NACC2: variants seen among roughly 807,000 people sequenced by gnomAD.
NACC2 encodes the protein nucleus accumbens-associated protein 2.
NACC2 carries 8 observed loss-of-function variants against 25.1 expected under a neutral mutation model. The observed-to-expected ratio is 0.32, with a 90% CI of 0.19 to 0.57. The LOEUF is 0.57. Ranked by LOEUF, NACC2 falls within the 20% of genes least tolerant of loss-of-function variation. The pLI is 0.89. For missense variants in NACC2, 644 were observed against 650.2 expected, an observed-to-expected ratio of 0.99 and a Z score of 0.10; for synonymous variants, 435 against 294.7, an observed-to-expected ratio of 1.48 and a Z score of -4.88.
chr9:136,027,292 C>T (rs1840407036), intron 2 of NACC2, among the ~76,000 whole-genome samples: 1 of 152,126 alleles, frequency 6.6e-6, no homozygotes, highest in Admixed American at 6.5e-5. Context: ...AAACCTCAAA[C>T]AAGAGGACAA....
chr9:136,092,449 C>T (rs919030268), intron 1 of NACC2, among the ~76,000 whole-genome samples: 6 of 152,208 alleles, frequency 3.9e-5, no homozygotes, highest in African/African-American at 7.2e-5. Flanking sequence ...AGCGTCCAGA[C>T]GGGCTAGCGC....
At chr9:136,021,242 G>C (rs1840287494) in intron 2 of NACC2, among the ~76,000 whole-genome samples, 1 of 152,216 alleles carries the variant, frequency 6.6e-6, no homozygotes, top group African/African-American at 2.4e-5. Context: ...CTCTTCCCCA[G>C]GGGACTTACA....
intron 2 of NACC2, among the ~76,000 whole-genome samples, chr9:136,043,500 G>A (rs1205723051): frequency 6.6e-6 from 1 of 152,254 alleles, no homozygotes; most frequent in Non-Finnish European, 1.5e-5. Flanking sequence ...CTGCTCTCAC[G>A]GGCTGCTGGT....
At chr9:136,060,930 G>A (rs1234219752) in intron 1 of NACC2, among the ~76,000 whole-genome samples, 3 of 152,204 alleles carry the variant, frequency 2.0e-5, no homozygotes, top group African/African-American at 7.2e-5. Context: ...GGGTACAGGG[G>A]TCCGGGGGAA....
chr9:136,047,184 G>T (rs970173847), intron 2 of NACC2, among the ~76,000 whole-genome samples: 4 of 152,106 alleles, frequency 2.6e-5, no homozygotes, highest in Non-Finnish European at 5.9e-5. Context: ...CTCCTGCGTG[G>T]GTGTGAGGAC....
intron 2 of NACC2, among the ~76,000 whole-genome samples, chr9:136,045,356 T>TCACGGGCC (rs1340081684): frequency 7.2e-6 from 1 of 138,476 alleles, no homozygotes; most frequent in East Asian, 2.4e-4. Context: ...AGGGTTACCG[T>TCACGGGCC]CACGGGCCCA....
Position 136,007,430 on chromosome 9 carries a change from TAC to T in NACC2, c.*4084_*4085del, listed in dbSNP as rs71759303. ...GTGCACACAGACGCGCGTGCACACATACACACAGACGCGCACACACACGCGCA... is the reference window on the plus strand; with the variant it reads ...GTGCACACAGACGCGCGTGCACACATACACAGACGCGCACACACACGCGCA... On this transcript the variant is annotated 3_prime_UTR_variant, in exon 6 of 6. Coordinates refer to ENST00000277554, the MANE Select transcript of NACC2 (RefSeq NM_144653.5). 2.8e-3 allele frequency: 389 copies of T among 136,976 alleles called. 1 individual carries two copies. Among genetic ancestry groups the T allele is most frequent in the East Asian group, 0.011 (51 of 4,836 alleles). 8.5% of individuals were successfully genotyped at this position (136,976 alleles called of 1,614,324 possible). A position where few individuals can be genotyped will look rare whatever the true frequency, so the allele number is the denominator to read the frequency against.
At chr9:136,037,027 CTG>C (rs1255438001) in intron 2 of NACC2, among the ~76,000 whole-genome samples, 1 of 152,164 alleles carries the variant, frequency 6.6e-6, no homozygotes, top group East Asian at 1.9e-4. Context: ...ATAAGGATGA[CTG>C]TGATTTCCTG....
chr9:136,079,121 G>A (rs948996460), intron 1 of NACC2, among the ~76,000 whole-genome samples: 1 of 151,020 alleles, frequency 6.6e-6, no homozygotes, highest in African/African-American at 2.4e-5. Context: ...ATCTACTCAC[G>A]TATGTCTGTG....
Position 136,050,033 on chromosome 9 carries a change from G to A in NACC2, c.489C>T (p.Pro163=). The change falls in exon 2 of 6, where the codon CCC becomes CCT. Residue 163 remains proline, a synonymous_variant. Transcript: ENST00000277554. ...GGGTCAGCAGCGGGATGGGCACCGA[G>A]GGGGACACGACGTAGGGGGCCGCGG... ...AAAAAPYVVS[P]SVPIPLLTRV... 2 of 707,610 alleles carry A rather than the reference G, an allele frequency of 2.8e-6. No individual in the cohort carries two copies. Among genetic ancestry groups the A allele is most frequent in the Non-Finnish European group, 5.1e-6 (2 of 388,614 alleles). 43.8% of individuals were successfully genotyped at this position (707,610 alleles called of 1,614,324 possible). A position where few individuals can be genotyped will look rare whatever the true frequency, so the allele number is the denominator to read the frequency against.
At chr9:136,032,197 G>C (rs955299847) in intron 2 of NACC2, among the ~76,000 whole-genome samples, 2 of 152,226 alleles carry the variant, frequency 1.3e-5, no homozygotes, top group African/African-American at 4.8e-5. Flanking sequence ...GCTGCATCCA[G>C]AGGCATGTAT....
chr9:136,071,089 C>T (rs1263888248), intron 1 of NACC2, among the ~76,000 whole-genome samples: 1 of 151,306 alleles, frequency 6.6e-6, no homozygotes, highest in Non-Finnish European at 1.5e-5. Context: ...AAAAATTCGC[C>T]AGACATGGTG....
In NACC2 at chr9:136,011,150, G is replaced by C. The variant is rs900449142; in HGVS notation, c.*366C>G. 1.8e-5 allele frequency: 3 copies of C among 169,808 alleles called. No individual in the cohort carries two copies. The highest frequency in any genetic ancestry group is 2.5e-5 in the Non-Finnish European group (2 of 80,412). The allele number at this position is 169,808 out of a possible 1,614,324, so 10.5% of individuals were successfully genotyped here. ...ACAGACCACCGCCGGCCCCTGCTTC[G>C]TCTTCCGGGCAGGAGGAGCAGGAAG... On this transcript the variant is annotated 3_prime_UTR_variant, in exon 6 of 6. Coordinates refer to ENST00000277554, the MANE Select transcript of NACC2 (RefSeq NM_144653.5).
chr9:136,091,608 C>A (rs1230866878), intron 1 of NACC2, among the ~76,000 whole-genome samples: 1 of 152,218 alleles, frequency 6.6e-6, no homozygotes, highest in Non-Finnish European at 1.5e-5. Flanking sequence ...GATGCCTTCA[C>A]GCCTGCCCAC....
rs968837764 is a variant in NACC2 at position 136,018,813 on chromosome 9, C to T, written c.887-2384G>A. ...TTAAAACATAATTACACACCCCCAC[C>T]CCCGGTGCAGCCTGCTGTGATTACA... is the stretch of plus-strand genomic sequence containing the variant. On this transcript the variant is annotated intron_variant, in intron 2 of 5. Transcript: ENST00000277554. This position sits in a 1 kb window ranked among gnomAD's most constrained non-coding sequence, Gnocchi z 4.4. 6.6e-6 allele frequency among the ~76,000 whole-genome samples: 1 copy of T among 152,200 alleles called. No individual in the cohort carries two copies. Among genetic ancestry groups the T allele is most frequent in the African/African-American group, 2.4e-5 (1 of 41,434 alleles).
chr9:136,023,047 AAGGAG>A (rs1267946780), intron 2 of NACC2, among the ~76,000 whole-genome samples: 11 of 8,352 alleles, frequency 1.3e-3, no homozygotes, highest in South Asian at 0.011. Flanking sequence ...GGAGGGAGGG[AAGGAG>A]GGAGGAAGGA....
chr9:136,014,226 C>A (rs527592089), intron 3 of NACC2, among the ~76,000 whole-genome samples: 1 of 152,140 alleles, frequency 6.6e-6, no homozygotes, highest in African/African-American at 2.4e-5. Flanking sequence ...CAGCGCCCCC[C>A]ACCCTCCCCA....
intron 2 of NACC2, among the ~76,000 whole-genome samples, chr9:136,031,416 CA>C (rs1840470749): frequency 6.6e-6 from 1 of 152,158 alleles, no homozygotes; most frequent in South Asian, 2.1e-4. Flanking sequence ...CGGCTCACTG[CA>C]AACTCTGCCT....
chr9:136,087,235 T>C (rs1264655281), intron 1 of NACC2, among the ~76,000 whole-genome samples: 1 of 151,936 alleles, frequency 6.6e-6, no homozygotes, highest in Non-Finnish European at 1.5e-5. Flanking sequence ...ATGCACAGAG[T>C]GTCAACTCCG....
Sources: allele counts gnomAD v4.1 joint callset (sites outside exome capture counted in the v4.1 genomes callset), GRCh38; gene constraint gnomAD v4.1.1; non-coding constraint Gnocchi (gnomAD v3.1); transcripts MANE v1.5; gene names NCBI Gene and HGNC (gene_info 2026-07-23, HGNC 2026-07-21).